The following VPS13B variants were observed in gnomAD, a reference collection of about 807,000 sequenced individuals.
The protein encoded by VPS13B is intermembrane lipid transfer protein VPS13B.
VPS13B carries 285 observed loss-of-function variants against 426.4 expected under a neutral mutation model. The observed-to-expected ratio is 0.67, with a 90% CI of 0.61 to 0.74. The LOEUF (loss-of-function observed/expected upper bound fraction) is 0.74, where lower values mean the gene tolerates loss of function less well. Ranked by LOEUF, VPS13B falls within the 30% of genes least tolerant of loss-of-function variation. VPS13B has a pLI of 0.00. For missense variants in VPS13B, 4,537 were observed against 4,782.6 expected (o/e 0.95, Z 1.51); for synonymous variants, 1,676 against 1,676.4 (o/e 1.00, Z 0.01).
intron 8 of VPS13B, among the ~76,000 whole-genome samples, chr8:99,128,241 G>T (rs1809541277): frequency 1.3e-5 from 2 of 151,526 alleles, no homozygotes; most frequent in Non-Finnish European, 2.9e-5. Flanking sequence ...AGAGAAATTA[G>T]CCTGGTGTGG....
At chr8:99,200,568 ATC>A (rs1342497378) in intron 17 of VPS13B, among the ~76,000 whole-genome samples, 5 of 152,096 alleles carry the variant, frequency 3.3e-5, no homozygotes, top group Non-Finnish European at 7.4e-5. Flanking sequence ...TCATATTGTT[ATC>A]TGTCTTTTGT....
chr8:99,021,497 T>G (rs1051199481), intron 2 of VPS13B, among the ~76,000 whole-genome samples: 1 of 151,910 alleles, frequency 6.6e-6, no homozygotes, highest in African/African-American at 2.4e-5. Context: ...GGCGGGCGCC[T>G]GTAATCCCAG....
chr8:99,553,598 A>G (rs1010808419), intron 30 of VPS13B, among the ~76,000 whole-genome samples: 1 of 152,076 alleles, frequency 6.6e-6, no homozygotes, highest in Non-Finnish European at 1.5e-5. Flanking sequence ...TAATAGTCAT[A>G]TCAAAATAGC....
At chr8:99,109,905 A>G (rs566707571) in intron 5 of VPS13B, among the ~76,000 whole-genome samples, 1 of 152,326 alleles carries the variant, frequency 6.6e-6, no homozygotes, top group African/African-American at 2.4e-5. Context: ...TACTCAGAAA[A>G]TGATAATTGT....
intron 55 of VPS13B, among the ~76,000 whole-genome samples, chr8:99,853,013 C>T (rs574992472): frequency 4.4e-4 from 67 of 152,130 alleles, no homozygotes; most frequent in African/African-American, 1.5e-3. Context: ...GGAGAAGAGC[C>T]AAGCATGGAC....
intron 44 of VPS13B, among the ~76,000 whole-genome samples, chr8:99,815,826 A>G (rs1260366698): frequency 6.6e-6 from 1 of 152,168 alleles, no homozygotes; most frequent in Non-Finnish European, 1.5e-5. Context: ...AACCAATTTA[A>G]GAAAACATTT....
At chr8:99,579,196 A>G (rs1031119773) in intron 33 of VPS13B, among the ~76,000 whole-genome samples, 1 of 152,160 alleles carries the variant, frequency 6.6e-6, no homozygotes, top group African/African-American at 2.4e-5. Context: ...TATCTGTAAA[A>G]CTTTCCGTAT....
intron 21 of VPS13B, among the ~76,000 whole-genome samples, chr8:99,397,639 T>A (rs1386350211): frequency 1.3e-5 from 2 of 152,222 alleles, no homozygotes; most frequent in African/African-American, 2.4e-5. Context: ...ACCCTAAAGC[T>A]ATTATGATCT....
At chr8:99,169,499 C>T (rs1168220526) in intron 15 of VPS13B, among the ~76,000 whole-genome samples, 7 of 151,882 alleles carry the variant, frequency 4.6e-5, no homozygotes, top group Non-Finnish European at 1.0e-4. Flanking sequence ...GGGTTTAAAA[C>T]CTCAATCCCA....
rs577229610 is a variant in VPS13B, at chr8:99,809,603, AT to A, written c.8097+80del. On this transcript the variant is annotated intron_variant, in intron 44 of 61. Transcript: ENST00000357162. ...GTAATGGAGATGAAAATAATTAATAATTTTTTTAAAATCACAGTGGTTATGC... is the reference window on the plus strand; with the variant it reads ...GTAATGGAGATGAAAATAATTAATAATTTTTTAAAATCACAGTGGTTATGC... The A allele has an allele frequency of 2.5e-4, 401 of 1,585,108 alleles. 1 individual carries two copies. The African/African-American group carries it at 4.8e-3, about 19-fold the overall frequency.
At chr8:99,583,692 AG>A (rs778676821) in intron 33 of VPS13B, among the ~76,000 whole-genome samples, 118 of 152,336 alleles carry the variant, frequency 7.7e-4, no homozygotes, top group Non-Finnish European at 2.2e-4. Context: ...GTAAAGAAGA[AG>A]GAAAGGGACT....
intron 25 of VPS13B, among the ~76,000 whole-genome samples, chr8:99,497,981 A>T (rs908949250): frequency 6.6e-6 from 1 of 152,114 alleles, no homozygotes; most frequent in African/African-American, 2.4e-5. Context: ...GAAAAAAATA[A>T]ATATATCAAA....
chr8:99,493,779 C>CT (rs1820741176), intron 25 of VPS13B, among the ~76,000 whole-genome samples: 1 of 74,536 alleles, frequency 1.3e-5, no homozygotes, highest in Non-Finnish European at 2.5e-5. Flanking sequence ...AAGACTCTAT[C>CT]TAAAAAAAAA....
chr8:99,425,348 A>G (rs1563722990), intron 21 of VPS13B, among the ~76,000 whole-genome samples: 1 of 152,230 alleles, frequency 6.6e-6, no homozygotes, highest in Non-Finnish European at 1.5e-5. Flanking sequence ...CCAGCAGCAC[A>G]TCACAAAGCT....
intron 19 of VPS13B, among the ~76,000 whole-genome samples, chr8:99,320,050 A>G (rs983146679): frequency 6.6e-6 from 1 of 152,202 alleles, no homozygotes; most frequent in African/African-American, 2.4e-5. Flanking sequence ...GTGATTGTTT[A>G]TAATAGGCAC....
chr8:99,866,670 T>G (rs1215225281), intron 58 of VPS13B, among the ~76,000 whole-genome samples: 6 of 152,256 alleles, frequency 3.9e-5, no homozygotes, highest in African/African-American at 1.4e-4. Context: ...CAGCACCCTG[T>G]GCGGGTGACC....
At chr8:99,205,427 G>A (rs188472217) in intron 17 of VPS13B, among the ~76,000 whole-genome samples, 5 of 152,134 alleles carry the variant, frequency 3.3e-5, no homozygotes, top group East Asian at 3.9e-4. Context: ...TGGGTGGCTC[G>A]AACCACCATG....
intron 17 of VPS13B, among the ~76,000 whole-genome samples, chr8:99,268,898 A>C (rs907731289): frequency 1.3e-5 from 2 of 152,226 alleles, no homozygotes; most frequent in South Asian, 2.1e-4. Context: ...GGAGGGACCC[A>C]GTGGGAGGTA....
At chr8:99,596,654 C>G (rs1827032477) in intron 33 of VPS13B, among the ~76,000 whole-genome samples, 1 of 152,034 alleles carries the variant, frequency 6.6e-6, no homozygotes, top group Non-Finnish European at 1.5e-5. Flanking sequence ...AGGACAAACT[C>G]TGACGTTGCG....
Sources: allele counts gnomAD v4.1 joint callset (sites outside exome capture counted in the v4.1 genomes callset), GRCh38; gene constraint gnomAD v4.1.1; transcripts MANE v1.5; gene names NCBI Gene and HGNC (gene_info 2026-07-23, HGNC 2026-07-21).